The following CELSR1 variants were observed in gnomAD, a reference collection of about 807,000 sequenced individuals.
CELSR1 encodes cadherin EGF LAG seven-pass G-type receptor 1, also known as adhesion G protein-coupled receptor C1.
CELSR1 carries 110 observed loss-of-function variants against 249.1 expected under a neutral mutation model. The observed-to-expected ratio is 0.44, with a 90% confidence interval of 0.38 to 0.52. The LOEUF is 0.52. Among genes scored for constraint, CELSR1 ranks in the 20% least tolerant of loss-of-function variants. The pLI, the probability that CELSR1 is intolerant of heterozygous loss-of-function variation, is 0.00. For synonymous variants in CELSR1, 2,113 were observed against 1,900.0 expected (o/e 1.11, Z -2.92); for missense variants, 4,109 against 4,296.4 (o/e 0.96, Z 1.22).
At chr22:46,479,812 C>T (rs576841764) in intron 1 of CELSR1, among the ~76,000 whole-genome samples, 120 of 151,420 alleles carry the variant, frequency 7.9e-4, no homozygotes, top group African/African-American at 2.7e-3. Context: ...CTGCAAGCTG[C>T]GAAAGCCCCA....
At position 46,535,658 on chromosome 22, in the gene CELSR1, C is replaced by T. The variant is rs747290693; in HGVS notation, c.1513G>A (p.Gly505Ser). Reference sequence around the variant, plus strand: ...CTCAGCGAGTGCAGGTAGAACTGGCCGGCCACGTTCCCGCTGAGGATGCTG... The same window carrying T: ...CTCAGCGAGTGCAGGTAGAACTGGCTGGCCACGTTCCCGCTGAGGATGCTG... ...HYSILSGNVA[G>S]QFYLHSLSGI... Residue 505 changes from glycine to serine, a missense_variant, in exon 1 of 35, where the codon GGC (glycine) becomes AGC (serine). Physicochemically the swap from Gly to Ser is moderately conservative, Grantham distance 56. Transcript: ENST00000674500. 3.1e-6 allele frequency: 5 copies of T among 1,613,230 alleles called. No individual in the cohort carries two copies. Among genetic ancestry groups the T allele is most frequent in the Non-Finnish European group, 4.2e-6 (5 of 1,180,038 alleles).
rs1602257318 is a variant in CELSR1, at chr22:46,537,313, TG to T, written c.-144del. The stretch of plus-strand genomic sequence containing the variant: ...CCGCGTCCCGCCTCCCCGGGGGCCC[TG>T]GCGGGGACTGTGGGGACCACGCGCC... On this transcript the variant is annotated 5_prime_UTR_variant, in exon 1 of 35. Coordinates refer to ENST00000674500, the MANE Select transcript of CELSR1 (RefSeq NM_001378328.1). The surrounding 1 kb of genome is among the most constrained non-coding windows in gnomAD (Gnocchi z 5.8). 1 of 934,206 alleles carries T rather than the reference TG, an allele frequency of 1.1e-6. No individual in the cohort carries two copies. Among genetic ancestry groups the T allele is most frequent in the African/African-American group, 1.8e-5 (1 of 55,778 alleles). The allele number at this position is 934,206 out of a possible 1,614,324, so 57.9% of individuals were successfully genotyped here.
At position 46,409,254 on chromosome 22, in the gene CELSR1, G is replaced by C; in HGVS notation, c.5060-92C>G. On this transcript the variant is annotated intron_variant, in intron 8 of 34. Transcript: ENST00000674500. This position sits in a 1 kb window ranked among gnomAD's most constrained non-coding sequence, Gnocchi z 9.8. Reference sequence around the variant, plus strand: ...GGGCGGGGGATGGGCCTGCAGGCTAGGCCTGGGCCTTTTTCACTTTAACAC... The same window carrying C: ...GGGCGGGGGATGGGCCTGCAGGCTACGCCTGGGCCTTTTTCACTTTAACAC... 7.3e-7 allele frequency: 1 copy of C among 1,361,956 alleles called. No homozygotes were observed. 84.4% of individuals were successfully genotyped at this position (1,361,956 alleles called of 1,614,324 possible). A position where few individuals can be genotyped will look rare whatever the true frequency, so the allele number is the denominator to read the frequency against.
chr22:46,513,769 T>C (rs755862133), intron 1 of CELSR1, among the ~76,000 whole-genome samples: 20 of 152,100 alleles, frequency 1.3e-4, no homozygotes, highest in Non-Finnish European at 2.1e-4. Context: ...CTCAAAGCCA[T>C]AGATAAGTTT....
At position 46,517,613 on chromosome 22, in the gene CELSR1, C is replaced by T. The variant is rs1363232790; in HGVS notation, c.3544+16014G>A. 3.3e-5 allele frequency among the ~76,000 whole-genome samples: 5 copies of T among 152,216 alleles called. No homozygotes were observed. Among genetic ancestry groups the T allele is most frequent in the African/African-American group, 7.2e-5 (3 of 41,448 alleles). The stretch of plus-strand genomic sequence containing the variant: ...GAGCTTCCCGTCCTGCACACACAGA[C>T]GCACCCCTGACCTCTGACGGCCACA... On this transcript the variant is annotated intron_variant, in intron 1 of 34. Transcript: ENST00000674500. This position sits in a 1 kb window ranked among gnomAD's most constrained non-coding sequence, Gnocchi z 5.4.
At chr22:46,504,270 T>G (rs1460772320) in intron 1 of CELSR1, among the ~76,000 whole-genome samples, 2 of 151,834 alleles carry the variant, frequency 1.3e-5, no homozygotes, top group Non-Finnish European at 1.5e-5. Flanking sequence ...TCCCAGCACT[T>G]TGGGAGGCCA....
Position 46,363,381 on chromosome 22 carries a change from G to T in CELSR1, c.9036-134C>A. ...GGGGGCGTCTGGGGGCTCCAGGGAG[G>T]GCAAGCTCATGTTGGATGAGGCTGC... On this transcript the variant is annotated intron_variant, in intron 34 of 34. Coordinates refer to ENST00000674500, the MANE Select transcript of CELSR1 (RefSeq NM_001378328.1). The surrounding 1 kb of genome is among the most constrained non-coding windows in gnomAD (Gnocchi z 4.3). The T allele has an allele frequency of 5.7e-6, 4 of 705,744 alleles. No homozygotes were observed. The highest frequency in any genetic ancestry group is 9.5e-6 in the Non-Finnish European group (4 of 421,988). The allele number at this position is 705,744 out of a possible 1,614,324, so 43.7% of individuals were successfully genotyped here. A position where few individuals can be genotyped will look rare whatever the true frequency, so the allele number is the denominator to read the frequency against.
In CELSR1 at chr22:46,364,232, G is replaced by A. The variant is rs762513024; in HGVS notation, c.8799C>T (p.Val2933=). 1.9e-6 allele frequency: 3 copies of A among 1,609,354 alleles called. No individual in the cohort carries two copies. The Admixed American group carries it at 5.0e-5, about 27-fold the overall frequency. ...TCAGCGTCAGCGGCGGCGGGTAGGTGACTTTATTTTTCAAGATGCCTGGGA... is the reference window on the plus strand; with the variant it reads ...TCAGCGTCAGCGGCGGCGGGTAGGTAACTTTATTTTTCAAGATGCCTGGGA... ...EQRKGILKNK[V]TYPPPLTLTE... is the part of the protein sequence containing the mutation. The change falls in exon 34 of 35, where the codon GTC becomes GTT. Residue 2933 remains valine (V), a synonymous_variant. Coordinates refer to ENST00000674500, the MANE Select transcript of CELSR1 (RefSeq NM_001378328.1).
rs984026115 is a variant in CELSR1 at position 46,535,541 on chromosome 22, G to A, written c.1630C>T (p.Leu544Phe). The A allele has an allele frequency of 2.0e-5, 32 of 1,613,170 alleles. No homozygotes were observed. The highest frequency in any genetic ancestry group is 2.7e-5 in the Non-Finnish European group (32 of 1,180,026). Residue 544 changes from leucine (L) to phenylalanine (F), a missense_variant, in exon 1 of 35, where the codon CTC (leucine) becomes TTC (phenylalanine). Leu to Phe is a conservative substitution (Grantham distance 22). Around this residue, in one of 7 missense-constraint regions of CELSR1, gnomAD observed 135 missense variants for 190.0 expected, o/e 0.71. Coordinates refer to ENST00000674500, the MANE Select transcript of CELSR1 (RefSeq NM_001378328.1). Reference sequence around the variant, plus strand: ...GACACCACCCCTGAAGAATTGATGAGCGGGGGCCGGCCCCCATCCTGGGCC... The same window carrying A: ...GACACCACCCCTGAAGAATTGATGAACGGGGGCCGGCCCCCATCCTGGGCC... ...IKAQDGGRPP[L>F]INSSGVVSVQ... is the part of the protein sequence containing the mutation.
rs2079117549 is a variant in CELSR1 at position 46,393,667 on chromosome 22, G to A, written c.5964+475C>T. On this transcript the variant is annotated intron_variant, in intron 14 of 34. Coordinates refer to ENST00000674500, the MANE Select transcript of CELSR1 (RefSeq NM_001378328.1). The surrounding 1 kb of genome is among the most constrained non-coding windows in gnomAD (Gnocchi z 4.1). ...GCAGAAGAATTGCTGGAACCCGGGA[G>A]GCGGAGGCTGCAGTGAGCCGAGATC... Among the ~76,000 whole-genome samples the A allele has an allele frequency of 6.6e-6, 1 of 151,974 alleles. No homozygotes were observed. The highest frequency in any genetic ancestry group is 1.5e-5 in the Non-Finnish European group (1 of 67,988).
intron 22 of CELSR1, 87 bp from the exon 23 acceptor site, chr22:46,378,804 G>A (rs2078947021): frequency 6.6e-7 from 1 of 1,503,998 alleles, no homozygotes; most frequent in Admixed American, 2.0e-5. Context: ...CAGCCCTGGG[G>A]GCTCCCAGGC....
Position 46,434,614 on chromosome 22 carries a change from G to A in CELSR1, c.4523-1133C>T, listed in dbSNP as rs940732360. ...CCATCACACACATGTCATTCAACAC[G>A]GGCCAGGGTTCTAGAGACGGAAGCA... is the stretch of plus-strand genomic sequence containing the variant. On this transcript the variant is annotated intron_variant, in intron 4 of 34. Transcript: ENST00000674500. This position sits in a 1 kb window ranked among gnomAD's most constrained non-coding sequence, Gnocchi z 4.9. 2.0e-5 allele frequency among the ~76,000 whole-genome samples: 3 copies of A among 152,148 alleles called. No individual in the cohort carries two copies. Among genetic ancestry groups the A allele is most frequent in the Non-Finnish European group, 4.4e-5 (3 of 68,036 alleles).
intron 1 of CELSR1, among the ~76,000 whole-genome samples, chr22:46,498,240 ACTCTG>A (rs1316017297): frequency 1.1e-4 from 12 of 104,356 alleles, no homozygotes; most frequent in Admixed American, 7.5e-4. Context: ...CAAGAGTGAA[ACTCTG>A]TCTCAAAAAA....
chr22:46,498,650 T>G lies in CELSR1; in HGVS notation c.3545-34305A>C, dbSNP rs1602214361. Among the ~76,000 whole-genome samples, 6 of 148,184 alleles carry G rather than the reference T, an allele frequency of 4.0e-5. No homozygotes were observed. The South Asian group carries it at 8.6e-4, about 21-fold the overall frequency. On this transcript the variant is annotated intron_variant, in intron 1 of 34. Coordinates refer to ENST00000674500, the MANE Select transcript of CELSR1 (RefSeq NM_001378328.1). ...AGAAAAAGAAAAAACAACACTCCGG[T>G]GGTATGGGATAGAAATAAACATGGA...
At chr22:46,438,766 T>G (rs1297661126) in intron 3 of CELSR1, among the ~76,000 whole-genome samples, 1 of 152,134 alleles carries the variant, frequency 6.6e-6, no homozygotes, top group East Asian at 1.9e-4. Flanking sequence ...TAAGCTTTTG[T>G]GGTTTTTTTT....
rs928400361 is a variant in CELSR1, at chr22:46,367,594, C to T, written c.8079+135G>A. The T allele has an allele frequency of 1.2e-5, 15 of 1,265,282 alleles. No homozygotes were observed. In the African/African-American group the frequency reaches 2.0e-4, roughly 17 times the overall value. 78.4% of individuals were successfully genotyped at this position (1,265,282 alleles called of 1,614,324 possible). ...GGCTGCACAAGGGACTGAGTCCTCACAGCCACAGGAGGCCCCCACGCGGGA... is the reference window on the plus strand; with the variant it reads ...GGCTGCACAAGGGACTGAGTCCTCATAGCCACAGGAGGCCCCCACGCGGGA... On this transcript the variant is annotated intron_variant, in intron 28 of 34. Transcript: ENST00000674500.
Position 46,487,461 on chromosome 22 carries a change from A to G in CELSR1, c.3545-23116T>C, listed in dbSNP as rs578239267. Among the ~76,000 whole-genome samples the G allele has an allele frequency of 2.8e-5, 4 of 142,530 alleles. No homozygotes were observed. The South Asian group carries it at 9.7e-4, about 34-fold the overall frequency. 93.5% of individuals were successfully genotyped at this position (142,530 alleles called of 152,430 possible). A position where few individuals can be genotyped will look rare whatever the true frequency, so the allele number is the denominator to read the frequency against. On this transcript the variant is annotated intron_variant, in intron 1 of 34. Coordinates refer to ENST00000674500, the MANE Select transcript of CELSR1 (RefSeq NM_001378328.1). ...TAGGGATGCCAAGAGGGAAAACCAC[A>G]GTCCTGCCCTCAAGGTGTCCTTGGC...
intron 5 of CELSR1, among the ~76,000 whole-genome samples, chr22:46,414,147 C>A (rs1222767134): frequency 6.6e-6 from 1 of 152,214 alleles, no homozygotes; most frequent in Non-Finnish European, 1.5e-5. Flanking sequence ...GAGACACCCA[C>A]TGCTAGGACA....
chr22:46,536,648 G>A lies in CELSR1; in HGVS notation c.523C>T (p.Pro175Ser). 1 of 1,167,554 alleles carries A rather than the reference G, an allele frequency of 8.6e-7. No homozygotes were observed. Among genetic ancestry groups the A allele is most frequent in the Non-Finnish European group, 1.1e-6 (1 of 948,618 alleles). The allele number at this position is 1,167,554 out of a possible 1,614,324, so 72.3% of individuals were successfully genotyped here. A position where few individuals can be genotyped will look rare whatever the true frequency, so the allele number is the denominator to read the frequency against. The change falls in exon 1 of 35, where the codon CCG (proline) becomes TCG (serine). Residue 175 changes from proline to serine, a missense_variant. Physicochemically the swap from Pro to Ser is moderately conservative, Grantham distance 74 (BLOSUM62 -1). Around this residue, in one of 7 missense-constraint regions of CELSR1, gnomAD observed 673 missense variants for 636.8 expected, o/e 1.06. Transcript: ENST00000674500. Reference protein sequence around the residue: ...RCPGRPICLPPGGSVRLRLLC... With the variant: ...RCPGRPICLPSGGSVRLRLLC... ...AGACGCAGGCGGACCGAGCCGCCCG[G>A]CGGCAGGCAGATGGGACGGCCGGGA...
Sources: allele counts gnomAD v4.1 joint callset (sites outside exome capture counted in the v4.1 genomes callset), GRCh38; gene constraint gnomAD v4.1.1; regional missense constraint gnomAD v4.1.1; non-coding constraint Gnocchi (gnomAD v3.1); transcripts MANE v1.5; gene names NCBI Gene and HGNC (gene_info 2026-07-23, HGNC 2026-07-21).